JAKMIP2: variants seen among roughly 807,000 people sequenced by gnomAD.
JAKMIP2 encodes janus kinase and microtubule-interacting protein 2.
A neutral mutation model predicts 115.0 loss-of-function variants in JAKMIP2; 25 were observed. The ratio of observed to expected loss-of-function variants is 0.22; its 90% CI spans 0.16 to 0.30. The LOEUF is 0.30. Among genes scored for constraint, JAKMIP2 ranks in the 10% least tolerant of loss-of-function variants. The pLI, the probability that JAKMIP2 is intolerant of heterozygous loss-of-function variation, is 1.00. For synonymous variants in JAKMIP2, 334 were observed against 343.6 expected (o/e 0.97, Z 0.31); for missense variants, 642 against 957.6 (o/e 0.67, Z 4.35).
chr5:147,774,779 C>T (rs1463499967), intron 1 of JAKMIP2, among the ~76,000 whole-genome samples: 1 of 151,944 alleles, frequency 6.6e-6, no homozygotes, highest in African/African-American at 2.4e-5. Flanking sequence ...AAAACAATTG[C>T]CTGGTTTTTA....
intron 1 of JAKMIP2, among the ~76,000 whole-genome samples, chr5:147,729,949 C>T (rs961375292): frequency 6.6e-6 from 1 of 152,104 alleles, no homozygotes; most frequent in African/African-American, 2.4e-5. Context: ...TCATTATCTA[C>T]AAGACCATAG....
Position 147,668,270 on chromosome 5 carries a change from C to T in JAKMIP2, c.129+3408G>A, listed in dbSNP as rs769774538. 2.2e-4 allele frequency among the ~76,000 whole-genome samples: 34 copies of T among 152,174 alleles called. 1 individual carries two copies. The highest frequency in any genetic ancestry group is 1.3e-4 in the Admixed American group (2 of 15,268). On this transcript the variant is annotated intron_variant, in intron 2 of 21. Transcript: ENST00000616793. ...TCTGTCACTGTGCCCATGCTGTTCA[C>T]GAAACCATAGTTTATCTCTGAGGGA...
At chr5:147,728,250 T>G (rs1003645790) in intron 1 of JAKMIP2, among the ~76,000 whole-genome samples, 1 of 152,168 alleles carries the variant, frequency 6.6e-6, no homozygotes, top group South Asian at 2.1e-4. Context: ...CTGGAAGGTA[T>G]GGAAAAGTCT....
chr5:147,668,109 C>T (rs545222809), intron 2 of JAKMIP2, among the ~76,000 whole-genome samples: 1 of 152,276 alleles, frequency 6.6e-6, no homozygotes, highest in East Asian at 1.9e-4. Flanking sequence ...TGTGAAAATG[C>T]TTTGCAGTTT....
chr5:147,602,566 A>C (rs1012955229), intron 20 of JAKMIP2, among the ~76,000 whole-genome samples: 1 of 152,178 alleles, frequency 6.6e-6, no homozygotes, highest in Non-Finnish European at 1.5e-5. Flanking sequence ...ATGGAGTCTG[A>C]TTTGTTTCTC....
intron 1 of JAKMIP2, among the ~76,000 whole-genome samples, chr5:147,715,394 C>T (rs1330940962): frequency 2.6e-5 from 4 of 151,218 alleles, no homozygotes; most frequent in Non-Finnish European, 5.9e-5. Context: ...AACAGAAATC[C>T]AAAATTCTAT....
At chr5:147,595,355 C>T in intron 21 of JAKMIP2, 1 of 439,950 alleles carries the variant, frequency 2.3e-6, no homozygotes. Flanking sequence ...GGATTAGTGC[C>T]TTATGAAAGA....
intron 1 of JAKMIP2, among the ~76,000 whole-genome samples, chr5:147,729,888 GGAAGCAGACACT>G (rs1477672807): frequency 6.6e-6 from 1 of 152,096 alleles, no homozygotes; most frequent in African/African-American, 2.4e-5. Context: ...CTATGGTTAA[GGAAGCAGACACT>G]GAAGTCAGCT....
At chr5:147,771,889 C>G (rs568923884) in intron 1 of JAKMIP2, among the ~76,000 whole-genome samples, 1 of 152,066 alleles carries the variant, frequency 6.6e-6, no homozygotes, top group Admixed American at 6.6e-5. Context: ...ATTGCTGCTG[C>G]TGATAATAAT....
intron 1 of JAKMIP2, among the ~76,000 whole-genome samples, chr5:147,711,391 G>A (rs1180091115): frequency 6.6e-6 from 1 of 152,156 alleles, no homozygotes; most frequent in East Asian, 1.9e-4. Flanking sequence ...TGAGACCTCA[G>A]TAGTGAATTA....
intron 21 of JAKMIP2, among the ~76,000 whole-genome samples, chr5:147,593,111 G>T (rs1755179620): frequency 6.6e-6 from 1 of 152,214 alleles, no homozygotes; most frequent in Non-Finnish European, 1.5e-5. Flanking sequence ...TTATATGTGA[G>T]CAGAGAACTG....
intron 2 of JAKMIP2, among the ~76,000 whole-genome samples, chr5:147,662,846 G>T (rs6860455): frequency 0.25 from 38,095 of 151,866 alleles, 6,018 homozygotes; most frequent in East Asian, 0.46. Flanking sequence ...TTGGCTGGGC[G>T]TGGTGGCAGG....
chr5:147,712,694 T>C lies in JAKMIP2; in HGVS notation c.-148-40740A>G, dbSNP rs140299836. ...ACTAGGAATTGGATGTTTCACTTGGTTGCTCCCTCATCCATCTTAATTTTG... is the reference window on the plus strand; with the variant it reads ...ACTAGGAATTGGATGTTTCACTTGGCTGCTCCCTCATCCATCTTAATTTTG... On this transcript the variant is annotated intron_variant, in intron 1 of 21. Transcript: ENST00000616793. 4.8e-3 allele frequency among the ~76,000 whole-genome samples: 727 copies of C among 152,238 alleles called. 4 individuals are homozygous for C. The highest frequency in any genetic ancestry group is 0.017 in the African/African-American group (698 of 41,540).
intron 1 of JAKMIP2, among the ~76,000 whole-genome samples, chr5:147,679,861 A>T (rs1378398255): frequency 6.6e-6 from 1 of 152,210 alleles, no homozygotes; most frequent in Non-Finnish European, 1.5e-5. Flanking sequence ...CCGACAGGCT[A>T]CAGAGGTGGC....
chr5:147,764,355 G>C (rs776789404), intron 1 of JAKMIP2, among the ~76,000 whole-genome samples: 3 of 152,066 alleles, frequency 2.0e-5, no homozygotes, highest in African/African-American at 4.8e-5. Flanking sequence ...CAGGAATTCA[G>C]ACAAGGGAGG....
chr5:147,675,251 A>AC (rs1357341834), intron 1 of JAKMIP2, among the ~76,000 whole-genome samples: 1 of 152,110 alleles, frequency 6.6e-6, no homozygotes, highest in Admixed American at 6.5e-5. Flanking sequence ...AAAGGTGAAA[A>AC]AAAAATAGAT....
At chr5:147,592,711 T>C (rs1384376745) in intron 21 of JAKMIP2, among the ~76,000 whole-genome samples, 1 of 152,208 alleles carries the variant, frequency 6.6e-6, no homozygotes, top group Non-Finnish European at 1.5e-5. Flanking sequence ...TCCTCATCTA[T>C]AAAATAAGGA....
At chr5:147,657,206 G>A (rs997639175) in intron 3 of JAKMIP2, among the ~76,000 whole-genome samples, 3 of 150,122 alleles carry the variant, frequency 2.0e-5, no homozygotes, top group African/African-American at 7.6e-5. Flanking sequence ...CATGAACCCG[G>A]GAGGCGGAGC....
At position 147,609,843 on chromosome 5, in the gene JAKMIP2, A is replaced by G. The variant is rs373360759; in HGVS notation, c.2412+2463T>C. 3.3e-5 allele frequency among the ~76,000 whole-genome samples: 5 copies of G among 152,216 alleles called. No homozygotes were observed. In the South Asian group the frequency reaches 1.0e-3, roughly 32 times the overall value. On this transcript the variant is annotated intron_variant, in intron 20 of 21. Transcript: ENST00000616793. Reference sequence around the variant, plus strand: ...AAACATAGGTTTGGTCTTTACACATAGTCTCATAGTCTCATATTTCTTAGA... The same window carrying G: ...AAACATAGGTTTGGTCTTTACACATGGTCTCATAGTCTCATATTTCTTAGA...
Sources: gnomAD v4.1 joint callset for allele counts (sites outside exome capture counted in the v4.1 genomes callset) on GRCh38, gnomAD v4.1.1 for gene constraint, MANE v1.5 for transcripts, NCBI Gene and HGNC (gene_info 2026-07-23, HGNC 2026-07-21) for gene names.